Variants in SIM1 observed in about 807,000 individuals in gnomAD.
The protein encoded by SIM1 is single-minded homolog 1.
Under a neutral mutation model 78.2 loss-of-function variants are expected in SIM1, and 18 were observed. That is an observed-to-expected ratio of 0.23 (90% CI 0.16 to 0.34). The LOEUF (loss-of-function observed/expected upper bound fraction) is 0.34, where lower values mean the gene tolerates loss of function less well. Ranked by LOEUF, SIM1 falls within the 10% of genes least tolerant of loss-of-function variation. The probability of loss-of-function intolerance (pLI) is 1.00; values close to 1 mark genes in which losing one functional copy is unlikely to be tolerated. For synonymous variants in SIM1, 417 were observed against 385.2 expected (o/e 1.08, Z -0.97); for missense variants, 939 against 975.1 (o/e 0.96, Z 0.49).
At position 100,463,625 on chromosome 6, in the gene SIM1, G is replaced by A. The variant is rs949148616; in HGVS notation, c.-157C>T. On this transcript the variant is annotated 5_prime_UTR_variant, in exon 2 of 12. Transcript: ENST00000369208. ...TTGCACCAAGAACAGTGTATTGATGGCAGTAAAAGACCAGCGGGGGTGAAC... is the reference window on the plus strand; with the variant it reads ...TTGCACCAAGAACAGTGTATTGATGACAGTAAAAGACCAGCGGGGGTGAAC... The A allele has an allele frequency of 2.8e-5, 18 of 650,008 alleles. No homozygotes were observed. In the African/African-American group the frequency reaches 3.2e-4, roughly 12 times the overall value. The allele number at this position is 650,008 out of a possible 1,614,324, so 40.3% of individuals were successfully genotyped here. A position where few individuals can be genotyped will look rare whatever the true frequency, so the allele number is the denominator to read the frequency against.
intron 10 of SIM1, among the ~76,000 whole-genome samples, chr6:100,403,231 A>G (rs1770972602): frequency 6.6e-6 from 1 of 152,214 alleles, no homozygotes; most frequent in African/African-American, 2.4e-5. Flanking sequence ...ACCAAATGCC[A>G]GCCACCAAAG....
At chr6:100,406,973 G>A (rs1390105154) in intron 10 of SIM1, among the ~76,000 whole-genome samples, 4 of 151,956 alleles carry the variant, frequency 2.6e-5, no homozygotes, top group Non-Finnish European at 2.9e-5. Flanking sequence ...TTTGATCAAC[G>A]TCTCCTCATT....
chr6:100,448,051 TG>T (rs910116513), intron 8 of SIM1, 94 bp downstream of exon 8: 5 of 1,006,798 alleles, frequency 5.0e-6, no homozygotes, highest in Non-Finnish European at 5.9e-6. Flanking sequence ...GGCTCCCACC[TG>T]TCCTCTTGCG....
At chr6:100,457,810 G>A (rs1016010483) in intron 2 of SIM1, among the ~76,000 whole-genome samples, 1 of 152,172 alleles carries the variant, frequency 6.6e-6, no homozygotes, top group Non-Finnish European at 1.5e-5. Context: ...GAGGGCATCG[G>A]CGAGCGCGCC....
intron 3 of SIM1, among the ~76,000 whole-genome samples, chr6:100,450,686 TCTCTCTCTCTCA>T (rs1478085507): frequency 1.9e-4 from 18 of 94,564 alleles, no homozygotes; most frequent in East Asian, 1.2e-3. Context: ...TCTCTCTCTC[TCTCTCTCTCTCA>T]CACACACACA....
At chr6:100,414,415 C>G (rs74877761) in intron 10 of SIM1, among the ~76,000 whole-genome samples, 1 of 152,154 alleles carries the variant, frequency 6.6e-6, no homozygotes, top group Admixed American at 6.5e-5. Flanking sequence ...ACTACAGAGG[C>G]CTCACCCCAC....
At position 100,420,940 on chromosome 6, in the gene SIM1, C is replaced by T; in HGVS notation, c.1017G>A (p.Gly339=). 1.2e-6 allele frequency: 2 copies of T among 1,613,562 alleles called. No individual in the cohort carries two copies. Among genetic ancestry groups the T allele is most frequent in the Middle Eastern group, 1.7e-4 (1 of 6,040 alleles). ...NYVLTDTEYK[G]LQLSLDQISA... ...AGATCTGATCCAGGGAGAGCTGCAG[C>T]CCTTTGTATTCTGTGTCTCTGCAGG... Residue 339 remains glycine, a synonymous_variant, in exon 10 of 12, where the codon GGG becomes GGA. Coordinates refer to ENST00000369208, the MANE Select transcript of SIM1 (RefSeq NM_005068.3).
intron 2 of SIM1, among the ~76,000 whole-genome samples, chr6:100,457,867 C>T (rs1448131622): frequency 6.6e-6 from 1 of 152,370 alleles, no homozygotes; most frequent in East Asian, 1.9e-4. Flanking sequence ...ACAGTGTGTG[C>T]CTGCACTCGG....
rs3734355 is a variant in SIM1 at position 100,420,845 on chromosome 6, G to T, written c.1112C>A (p.Ala371Asp). 2 of 1,613,898 alleles carry T rather than the reference G, an allele frequency of 1.2e-6. No homozygotes were observed. Among genetic ancestry groups the T allele is most frequent in the South Asian group, 2.2e-5 (2 of 91,074 alleles). The change falls in exon 10 of 12, where the codon GCC becomes GAC. Residue 371 changes from alanine to aspartate, a missense_variant. Ala to Asp is a moderately radical substitution (Grantham distance 126, BLOSUM62 -2). Around this residue, in one of 5 missense-constraint regions of SIM1, gnomAD observed 556 missense variants for 521.9 expected, o/e 1.07. Transcript: ENST00000369208. ...CTTTGAGCTGGAGAGCCGGGATTTG[G>T]CCCCCTTTCTGTTGTCAGTCATGGT... ...TPTMTDNRKG[A>D]KSRLSSSKSK...
intron 9 of SIM1, among the ~76,000 whole-genome samples, chr6:100,435,221 C>G (rs1772013284): frequency 6.6e-6 from 1 of 152,018 alleles, no homozygotes; most frequent in Non-Finnish European, 1.5e-5. Context: ...ATAGACCATG[C>G]AAAATATTGG....
At chr6:100,418,007 T>G (rs2114500143) in intron 10 of SIM1, among the ~76,000 whole-genome samples, 1 of 152,324 alleles carries the variant, frequency 6.6e-6, no homozygotes, top group Non-Finnish European at 1.5e-5. Context: ...AGATAAATCT[T>G]ATGTGGACAT....
rs1233353459 is a variant in SIM1 at position 100,446,624 on chromosome 6, T to C, written c.998+644A>G. Among the ~76,000 whole-genome samples, 3 of 152,226 alleles carry C rather than the reference T, an allele frequency of 2.0e-5. No individual in the cohort carries two copies. The East Asian group carries it at 5.8e-4, about 29-fold the overall frequency. On this transcript the variant is annotated intron_variant, in intron 9 of 11. Transcript: ENST00000369208. ...GGCTCAAATGCAGGCCTCTGCAGCC[T>C]CCCTGTCATTCGCGCCCGCAGGTGG...
At position 100,390,925 on chromosome 6, in the gene SIM1, CTCT is replaced by C. The variant is rs750542418; in HGVS notation, c.1734_1736del (p.Glu579del). On this transcript the variant is annotated inframe_deletion, in exon 12 of 12. Transcript: ENST00000369208. ...GGGCTTTCCTTAGCTGTAATCTGTT[CTCT>C]TCTTCTTTAATCATTTGCTGAGTGG... The C allele has an allele frequency of 3.1e-6, 5 of 1,613,944 alleles. No individual in the cohort carries two copies. Among genetic ancestry groups the C allele is most frequent in the Middle Eastern group, 1.6e-4 (1 of 6,084 alleles).
At position 100,393,733 on chromosome 6, in the gene SIM1, G is replaced by A. The variant is rs572023033; in HGVS notation, c.1324C>T (p.Arg442Cys). Residue 442 changes from arginine to cysteine, a missense_variant, in exon 11 of 12, where the codon CGC (arginine) becomes TGC (cysteine). Physicochemically the swap from Arg to Cys is radical, Grantham distance 180 (BLOSUM62 -3). This residue lies in a region of SIM1 where 556 missense variants were observed against 521.9 expected (regional missense o/e 1.07). Coordinates refer to ENST00000369208, the MANE Select transcript of SIM1 (RefSeq NM_005068.3). ...GCAAAGCCATAGCAGAGAGAGCTGC[G>A]GTCCGAAAACTGTCTGTAGGCGCAC... Reference protein sequence around the residue: ...ASCAYRQFSDRSSLCYGFALD... With the variant: ...ASCAYRQFSDCSSLCYGFALD... The A allele has an allele frequency of 1.9e-6, 3 of 1,614,194 alleles. No homozygotes were observed. Among genetic ancestry groups the A allele is most frequent in the East Asian group, 2.2e-5 (1 of 44,880 alleles).
chr6:100,419,033 G>A (rs1438776580), intron 10 of SIM1, among the ~76,000 whole-genome samples: 3 of 152,020 alleles, frequency 2.0e-5, no homozygotes, highest in Non-Finnish European at 4.4e-5. Flanking sequence ...CGGGCGTGGT[G>A]GCAGTGCCTG....
intron 9 of SIM1, among the ~76,000 whole-genome samples, chr6:100,432,764 C>T (rs1308407147): frequency 6.6e-6 from 1 of 152,144 alleles, no homozygotes; most frequent in East Asian, 1.9e-4. Flanking sequence ...ACTGTTTACC[C>T]CCAGTATCTA....
chr6:100,398,493 C>T (rs1770823896), intron 10 of SIM1, among the ~76,000 whole-genome samples: 1 of 152,102 alleles, frequency 6.6e-6, no homozygotes, highest in African/African-American at 2.4e-5. Context: ...ATTACTTTGA[C>T]TATTTTAGGT....
intron 2 of SIM1, among the ~76,000 whole-genome samples, chr6:100,458,685 A>G (rs1474761937): frequency 6.6e-6 from 1 of 152,058 alleles, no homozygotes; most frequent in Non-Finnish European, 1.5e-5. Flanking sequence ...GACCTGGCTG[A>G]CTGCGTGCTT....
chr6:100,413,970 T>C (rs930182343), intron 10 of SIM1, among the ~76,000 whole-genome samples: 1 of 152,214 alleles, frequency 6.6e-6, no homozygotes, highest in Admixed American at 6.5e-5. Context: ...CAAGATTGTG[T>C]GTCCTTCATA....
Sources: gnomAD v4.1 joint callset for allele counts (sites outside exome capture counted in the v4.1 genomes callset) on GRCh38, gnomAD v4.1.1 for gene constraint, gnomAD v4.1.1 regional missense constraint, MANE v1.5 for transcripts, NCBI Gene and HGNC (gene_info 2026-07-23, HGNC 2026-07-21) for gene names.